The following MYOM1 variants were observed in gnomAD, a reference collection of about 807,000 sequenced individuals.
MYOM1 encodes myomesin-1.
Under a neutral mutation model 205.3 loss-of-function variants are expected in MYOM1, and 164 were observed. That is an observed-to-expected ratio of 0.80 (90% CI 0.70 to 0.91). The LOEUF (loss-of-function observed/expected upper bound fraction) is 0.91. Ranked by LOEUF, MYOM1 falls within the 40% of genes least tolerant of loss-of-function variation. The pLI is 0.00. For missense variants in MYOM1, 2,011 were observed against 2,127.3 expected (o/e 0.95, Z 1.08); for synonymous variants, 772 against 789.4 (o/e 0.98, Z 0.37).
intron 23 of MYOM1, among the ~76,000 whole-genome samples, chr18:3,101,711 G>T (rs112594465): frequency 1.3e-5 from 2 of 152,198 alleles, no homozygotes; most frequent in Non-Finnish European, 2.9e-5. Context: ...GTTACTTTAA[G>T]ATTTCAAAAT....
At chr18:3,173,677 A>G (rs1019571777) in intron 8 of MYOM1, among the ~76,000 whole-genome samples, 4 of 152,034 alleles carry the variant, frequency 2.6e-5, no homozygotes, top group Non-Finnish European at 4.4e-5. Flanking sequence ...TAACCCAGAA[A>G]GATGTAAAAA....
chr18:3,184,359 T>C (rs770407185), intron 5 of MYOM1, among the ~76,000 whole-genome samples: 6 of 152,226 alleles, frequency 3.9e-5, no homozygotes, highest in African/African-American at 7.2e-5. Flanking sequence ...TCCTAACTTA[T>C]ACTGCTAATT....
At chr18:3,142,136 T>C (rs1192667188) in intron 13 of MYOM1, 73 bp from the exon 14 acceptor site, 1 of 1,539,884 alleles carries the variant, frequency 6.5e-7, no homozygotes, top group Non-Finnish European at 8.8e-7. Context: ...CCAAAGACGC[T>C]GCTCTCCTCC....
At chr18:3,165,853 T>A (rs555741647) in intron 9 of MYOM1, among the ~76,000 whole-genome samples, 18 of 152,290 alleles carry the variant, frequency 1.2e-4, no homozygotes, top group African/African-American at 4.3e-4. Context: ...GCCACCACCA[T>A]TGCTAATTCC....
At position 3,129,180 on chromosome 18, in the gene MYOM1, G is replaced by T. The variant is rs1348442403; in HGVS notation, c.2794+52C>A. The T allele has an allele frequency of 3.2e-6, 5 of 1,565,660 alleles. No homozygotes were observed. The African/African-American group carries it at 4.1e-5, about 13-fold the overall frequency. ...AAGGATGTGATGTAGACGATGAGAG[G>T]TGAGGACAGTGATGGAGACGGATGG... On this transcript the variant is annotated intron_variant, in intron 18 of 37. Coordinates refer to ENST00000356443, the MANE Select transcript of MYOM1 (RefSeq NM_003803.4).
Position 3,083,992 on chromosome 18 carries a change from T to A in MYOM1, c.4375A>T (p.Ile1459Leu), listed in dbSNP as rs1473212513. Residue 1459 changes from isoleucine (I) to leucine (L), a missense_variant, in exon 32 of 38, where the codon ATA becomes TTA. By Grantham distance (5) the Ile-to-Leu change is conservative. Transcript: ENST00000356443. ...TGGTGCGAAATGTTTGACTCACCTA[T>A]TTTTTTGCATACTTCCATCATCAGT... Reference protein sequence around the residue: ...KELMMEVCKKIALSATDLKIQ... With the variant: ...KELMMEVCKKLALSATDLKIQ... 1.9e-6 allele frequency: 3 copies of A among 1,587,960 alleles called. No homozygotes were observed. The highest frequency in any genetic ancestry group is 2.6e-6 in the Non-Finnish European group (3 of 1,165,672).
chr18:3,109,148 T>C (rs2079491543), intron 22 of MYOM1, among the ~76,000 whole-genome samples: 1 of 151,330 alleles, frequency 6.6e-6, no homozygotes, highest in Non-Finnish European at 1.5e-5. Flanking sequence ...CCCAGCTAAT[T>C]TTTTTTGTAT....
intron 5 of MYOM1, among the ~76,000 whole-genome samples, chr18:3,187,113 T>C (rs563273980): frequency 1.3e-5 from 2 of 152,332 alleles, no homozygotes; most frequent in East Asian, 3.9e-4. Flanking sequence ...AATCCTGCCA[T>C]GTTGTGTAAA....
Position 3,067,135 on chromosome 18 carries a change from A to G in MYOM1, c.*127T>C. On this transcript the variant is annotated 3_prime_UTR_variant, in exon 38 of 38. Coordinates refer to ENST00000356443, the MANE Select transcript of MYOM1 (RefSeq NM_003803.4). ...TGGTGCTTTTTTATATGAGTGAAAG[A>G]CCTGACATTATTTTCCCCTCAAGCC... 1 of 1,027,694 alleles carries G rather than the reference A, an allele frequency of 9.7e-7. No individual in the cohort carries two copies. Among genetic ancestry groups the G allele is most frequent in the Admixed American group, 2.9e-5 (1 of 35,074 alleles). The allele number at this position is 1,027,694 out of a possible 1,614,324, so 63.7% of individuals were successfully genotyped here.
At chr18:3,116,262 T>C in intron 21 of MYOM1, 69 bp downstream of exon 21, 1 of 1,487,192 alleles carries the variant, frequency 6.7e-7, no homozygotes, top group South Asian at 1.2e-5. Flanking sequence ...TGTTTTATCT[T>C]GCTAACTTTA....
At chr18:3,097,053 TAATTTTGAAAACAGCTTAAAATAG>T in intron 25 of MYOM1, among the ~76,000 whole-genome samples, 1 of 152,366 alleles carries the variant, frequency 6.6e-6, no homozygotes, top group African/African-American at 2.4e-5. Flanking sequence ...GTTTTCAAAA[TAATTTTGAAAACAGCTTAAAATAG>T]GAGAATTTAC....
intron 4 of MYOM1, among the ~76,000 whole-genome samples, chr18:3,188,499 C>T (rs544447832): frequency 2.0e-5 from 3 of 151,814 alleles, no homozygotes; most frequent in Non-Finnish European, 2.9e-5. Flanking sequence ...TGTGGTGGCA[C>T]GTGCCTGTAA....
chr18:3,136,985 G>C (rs1189332018), intron 14 of MYOM1, among the ~76,000 whole-genome samples: 1 of 146,772 alleles, frequency 6.8e-6, no homozygotes, highest in South Asian at 2.2e-4. Flanking sequence ...GAGTCTCGCT[G>C]GGTCGCCCAG....
At chr18:3,112,950 AT>A in intron 21 of MYOM1, among the ~76,000 whole-genome samples, 1 of 152,298 alleles carries the variant, frequency 6.6e-6, no homozygotes. Context: ...GTTCCTGTAA[AT>A]TTAATATAGC....
the MYOM1 span, among the ~76,000 whole-genome samples, chr18:3,244,898 C>CA: frequency 8.9e-6 from 1 of 112,210 alleles, no homozygotes; most frequent in Non-Finnish European, 1.8e-5. Context: ...GACTCCATCT[C>CA]AAAAAAATAA....
At chr18:3,175,116 A>G (rs1222602802) in intron 6 of MYOM1, among the ~76,000 whole-genome samples, 2 of 152,172 alleles carry the variant, frequency 1.3e-5, no homozygotes, top group East Asian at 3.8e-4. Flanking sequence ...TGCCCTTCTC[A>G]TAACTACTTA....
At chr18:3,225,720 T>C in the MYOM1 span, among the ~76,000 whole-genome samples, 1 of 152,110 alleles carries the variant, frequency 6.6e-6, no homozygotes, top group Non-Finnish European at 1.5e-5. Context: ...ATTTAATATG[T>C]CCCAAGGCCA....
intron 29 of MYOM1, among the ~76,000 whole-genome samples, chr18:3,088,346 GA>G (rs1598658310): frequency 6.6e-6 from 1 of 152,212 alleles, no homozygotes; most frequent in African/African-American, 2.4e-5. Flanking sequence ...TGCTGCCAGA[GA>G]AAGAGTTTTT....
At chr18:3,231,586 C>G in the MYOM1 span, among the ~76,000 whole-genome samples, 1 of 139,170 alleles carries the variant, frequency 7.2e-6, no homozygotes, top group African/African-American at 2.7e-5. Flanking sequence ...GCTGCCCAGG[C>G]TGGTGTGCAA....
Sources: gnomAD v4.1 joint callset for allele counts (sites outside exome capture counted in the v4.1 genomes callset) on GRCh38, gnomAD v4.1.1 for gene constraint, MANE v1.5 for transcripts, NCBI Gene and HGNC (gene_info 2026-07-23, HGNC 2026-07-21) for gene names.